Variants in CNTNAP2 observed in about 807,000 individuals in gnomAD.
The protein encoded by CNTNAP2 is contactin associated protein 2.
In CNTNAP2, 98 loss-of-function variants were observed where a neutral mutation model predicts 155.2. The ratio of observed to expected loss-of-function variants is 0.63; its 90% confidence interval spans 0.54 to 0.75. The LOEUF (loss-of-function observed/expected upper bound fraction) is 0.75, where lower values mean the gene tolerates loss of function less well. CNTNAP2 is among the 30% of genes least tolerant of loss of function. CNTNAP2 has a pLI of 0.00. For synonymous variants in CNTNAP2, 651 were observed against 631.2 expected (o/e 1.03, Z -0.47); for missense variants, 1,727 against 1,688.1 (o/e 1.02, Z -0.40).
intron 1 of CNTNAP2, among the ~76,000 whole-genome samples, chr7:146,131,207 T>G (rs1584763770): frequency 6.6e-6 from 1 of 152,212 alleles, no homozygotes; most frequent in East Asian, 1.9e-4. Flanking sequence ...AATTTCCCCT[T>G]GGCATTACTA....
At chr7:147,909,381 T>A (rs1250165622) in intron 14 of CNTNAP2, among the ~76,000 whole-genome samples, 2 of 152,326 alleles carry the variant, frequency 1.3e-5, no homozygotes, top group African/African-American at 4.8e-5. Flanking sequence ...AAACTTAGAT[T>A]GAATACTTAT....
At chr7:147,169,756 A>G (rs944118786) in intron 8 of CNTNAP2, among the ~76,000 whole-genome samples, 10 of 152,170 alleles carry the variant, frequency 6.6e-5, no homozygotes, top group African/African-American at 2.4e-4. Flanking sequence ...TGGATAGACC[A>G]ATATCAACTT....
chr7:146,709,888 T>C (rs1801033709), intron 1 of CNTNAP2, among the ~76,000 whole-genome samples: 1 of 152,192 alleles, frequency 6.6e-6, no homozygotes, highest in Non-Finnish European at 1.5e-5. Context: ...AACATCTGTT[T>C]AGTTTTGGAA....
intron 1 of CNTNAP2, among the ~76,000 whole-genome samples, chr7:146,686,408 C>T (rs184834635): frequency 7.2e-5 from 11 of 152,154 alleles, no homozygotes; most frequent in East Asian, 5.8e-4. Context: ...TGGCTACTTC[C>T]GAAATTTCAA....
At chr7:146,693,104 A>G (rs546491294) in intron 1 of CNTNAP2, among the ~76,000 whole-genome samples, 1 of 152,270 alleles carries the variant, frequency 6.6e-6, no homozygotes, top group African/African-American at 2.4e-5. Flanking sequence ...CTTGTTAGCT[A>G]TAAAATGGAG....
rs576422202 is a variant in CNTNAP2 at position 147,460,166 on chromosome 7, G to A, written c.1671-25769G>A. On this transcript the variant is annotated intron_variant, in intron 10 of 23. Coordinates refer to ENST00000361727, the MANE Select transcript of CNTNAP2 (RefSeq NM_014141.6). ...GAAAGAAGAGGAAAAATAGGTCTGCGGTGCTGCTCCACAGAGAGCGGCCAG... is the reference window on the plus strand; with the variant it reads ...GAAAGAAGAGGAAAAATAGGTCTGCAGTGCTGCTCCACAGAGAGCGGCCAG... Among the ~76,000 whole-genome samples, 23 of 152,130 alleles carry A rather than the reference G, an allele frequency of 1.5e-4. No individual in the cohort carries two copies. In the South Asian group the frequency reaches 4.4e-3, roughly 29 times the overall value.
intron 15 of CNTNAP2, among the ~76,000 whole-genome samples, chr7:148,041,653 TA>T (rs1802678260): frequency 6.6e-6 from 1 of 152,224 alleles, no homozygotes; most frequent in African/African-American, 2.4e-5. Context: ...AATGCATAAC[TA>T]AATTTTGATT....
At chr7:148,364,135 C>T (rs1041289473) in intron 21 of CNTNAP2, among the ~76,000 whole-genome samples, 5 of 152,202 alleles carry the variant, frequency 3.3e-5, no homozygotes, top group Admixed American at 1.3e-4. Flanking sequence ...CCCCGACGAG[C>T]GCCACCCCCT....
chr7:147,133,304 C>T (rs1801413165), intron 8 of CNTNAP2, among the ~76,000 whole-genome samples: 1 of 152,002 alleles, frequency 6.6e-6, no homozygotes, highest in Admixed American at 6.6e-5. Context: ...TTGCAATAGT[C>T]ATACATATAT....
intron 1 of CNTNAP2, among the ~76,000 whole-genome samples, chr7:146,226,139 C>A (rs528291352): frequency 6.6e-5 from 10 of 152,258 alleles, no homozygotes; most frequent in African/African-American, 1.9e-4. Flanking sequence ...GGTGACCCAA[C>A]CTCTTAGCAC....
chr7:147,414,957 A>AAG (rs1215316018), intron 10 of CNTNAP2, among the ~76,000 whole-genome samples: 6 of 150,696 alleles, frequency 4.0e-5, no homozygotes, highest in African/African-American at 1.5e-4. Context: ...AAAAAAAAAA[A>AAG]AAAAAAGAAA....
chr7:146,245,545 G>C (rs1226105419), intron 1 of CNTNAP2, among the ~76,000 whole-genome samples: 3 of 152,208 alleles, frequency 2.0e-5, no homozygotes, highest in South Asian at 2.1e-4. Context: ...GTGCAGTCCT[G>C]GCTCTTGTGT....
At chr7:147,276,759 A>G (rs533357428) in intron 8 of CNTNAP2, among the ~76,000 whole-genome samples, 1 of 151,970 alleles carries the variant, frequency 6.6e-6, no homozygotes, top group African/African-American at 2.4e-5. Flanking sequence ...TAGGTTTTTT[A>G]TACTAGCACA....
chr7:147,903,309 T>A (rs1354859047), intron 13 of CNTNAP2, among the ~76,000 whole-genome samples: 4 of 152,234 alleles, frequency 2.6e-5, no homozygotes, highest in African/African-American at 9.6e-5. Context: ...CTTAGCCCAC[T>A]TTTTGATGGG....
intron 21 of CNTNAP2, among the ~76,000 whole-genome samples, chr7:148,273,835 C>A (rs912689983): frequency 2.0e-5 from 3 of 152,142 alleles, no homozygotes; most frequent in Middle Eastern, 3.4e-3. Context: ...TGGCTAGTAG[C>A]CCCTATATTA....
intron 10 of CNTNAP2, among the ~76,000 whole-genome samples, chr7:147,449,673 C>T (rs1222570510): frequency 5.3e-5 from 8 of 152,068 alleles, no homozygotes; most frequent in Admixed American, 4.6e-4. Context: ...AAGATATAAA[C>T]ATCCAGTCAG....
chr7:147,625,923 C>A lies in CNTNAP2; in HGVS notation c.1898-13183C>A, dbSNP rs529050017. 1.1e-4 allele frequency among the ~76,000 whole-genome samples: 17 copies of A among 152,266 alleles called. No homozygotes were observed. The East Asian group carries it at 3.3e-3, about 29-fold the overall frequency. ...ATGAGATTATGGAAGAAGGATTTAA[C>A]CTCTCCTGGAGTTGAAATGGATTTA... On this transcript the variant is annotated intron_variant, in intron 12 of 23. Coordinates refer to ENST00000361727, the MANE Select transcript of CNTNAP2 (RefSeq NM_014141.6).
chr7:146,128,533 TATA>T (rs1282764606), intron 1 of CNTNAP2, among the ~76,000 whole-genome samples: 2 of 152,118 alleles, frequency 1.3e-5, no homozygotes, highest in East Asian at 3.9e-4. Flanking sequence ...TCTAATTAAA[TATA>T]ATTTAAGACT....
At chr7:146,417,955 G>A (rs1584915855) in intron 1 of CNTNAP2, among the ~76,000 whole-genome samples, 1 of 117,890 alleles carries the variant, frequency 8.5e-6, no homozygotes, top group East Asian at 2.3e-4. Flanking sequence ...CAGATACACT[G>A]TTCTTGAAGT....
Sources: gnomAD v4.1 joint callset for allele counts (sites outside exome capture counted in the v4.1 genomes callset) on GRCh38, gnomAD v4.1.1 for gene constraint, MANE v1.5 for transcripts, NCBI Gene and HGNC (gene_info 2026-07-23, HGNC 2026-07-21) for gene names.